The following DEFB1 variants were observed in gnomAD, a reference collection of about 807,000 sequenced individuals.
The protein encoded by DEFB1 is beta-defensin 1.
Under a neutral mutation model 2.6 loss-of-function variants are expected in DEFB1, and 4 were observed. The ratio of observed to expected loss-of-function variants is 1.53; its 90% confidence interval spans 0.76 to 3.51. DEFB1 has a LOEUF of 3.51. Among genes scored for constraint, DEFB1 ranks in the 30% most tolerant of loss-of-function variants. The pLI is 0.01. For synonymous variants in DEFB1, 56 were observed against 28.5 expected, an observed-to-expected ratio of 1.96 and a Z score of -3.07; for missense variants, 162 against 76.9, an observed-to-expected ratio of 2.11 and a Z score of -4.14.
chr8:6,877,395 G>A lies in DEFB1; in HGVS notation c.61+402C>T, dbSNP rs1049750667. On this transcript the variant is annotated intron_variant, in intron 1 of 1. Transcript: ENST00000297439. ...GCGGCAGCACCTCACCTGTACCAGG[G>A]CACCCCAGGAGGCTGCACCCAGTGA... Among the ~76,000 whole-genome samples, 10 of 152,336 alleles carry A rather than the reference G, an allele frequency of 6.6e-5. No homozygotes were observed. The East Asian group carries it at 1.5e-3, about 24-fold the overall frequency.
chr8:6,872,072 C>A (rs1554540177), intron 1 of DEFB1, among the ~76,000 whole-genome samples: 1 of 152,152 alleles, frequency 6.6e-6, no homozygotes. Context: ...AGTAATTCCA[C>A]TTTTGAAAAA....
intron 1 of DEFB1, among the ~76,000 whole-genome samples, chr8:6,877,534 A>G (rs912580186): frequency 6.6e-6 from 1 of 152,184 alleles, no homozygotes; most frequent in African/African-American, 2.4e-5. Flanking sequence ...TACTGTCTAC[A>G]TGTCCAGGAC....
intron 1 of DEFB1, among the ~76,000 whole-genome samples, chr8:6,876,137 G>A (rs1204585451): frequency 2.0e-5 from 3 of 152,104 alleles, no homozygotes; most frequent in African/African-American, 7.2e-5. Context: ...TAATTAAATA[G>A]CATCTACTTT....
At position 6,872,833 on chromosome 8, in the gene DEFB1, C is replaced by G. The variant is rs5743479; in HGVS notation, c.62-2007G>C. ...AAGTAAGATCATGACCAGCTAGACTCTGCCAAAGTCTCCACTTTCTGCTTT... is the reference window on the plus strand; with the variant it reads ...AAGTAAGATCATGACCAGCTAGACTGTGCCAAAGTCTCCACTTTCTGCTTT... On this transcript the variant is annotated intron_variant, in intron 1 of 1. Transcript: ENST00000297439. 6.4e-3 allele frequency among the ~76,000 whole-genome samples: 973 copies of G among 152,314 alleles called. 3 individuals are homozygous for G. Among genetic ancestry groups the G allele is most frequent in the Non-Finnish European group, 8.1e-3 (553 of 68,038 alleles).
At chr8:6,877,694 G>C in intron 1 of DEFB1, 103 bp downstream of exon 1, 1 of 1,051,746 alleles carries the variant, frequency 9.5e-7, no homozygotes, top group Non-Finnish European at 1.4e-6. Context: ...CCTGCTGCTT[G>C]TTCCTCGTCC....
chr8:6,870,890 C>G (rs1003206865), intron 1 of DEFB1, 64 bp from the exon 2 acceptor site: 29 of 1,526,022 alleles, frequency 1.9e-5, no homozygotes, highest in Non-Finnish European at 2.6e-5. Flanking sequence ...TTGAGAACAT[C>G]TCGCGAAAGC....
At chr8:6,872,343 C>G (rs79904203) in intron 1 of DEFB1, among the ~76,000 whole-genome samples, 5 of 152,366 alleles carry the variant, frequency 3.3e-5, no homozygotes, top group Admixed American at 2.6e-4. Context: ...ATCACCCTAG[C>G]CGCATTGCAA....
At chr8:6,873,110 A>T (rs748533984) in intron 1 of DEFB1, among the ~76,000 whole-genome samples, 10 of 152,204 alleles carry the variant, frequency 6.6e-5, no homozygotes, top group Non-Finnish European at 1.2e-4. Flanking sequence ...TTTAATATGG[A>T]TGTAGCTTTT....
chr8:6,873,846 C>T (rs1806416782), intron 1 of DEFB1, among the ~76,000 whole-genome samples: 2 of 152,192 alleles, frequency 1.3e-5, no homozygotes, highest in Admixed American at 6.5e-5. Context: ...GGTCCAGAGG[C>T]CATACTTTTA....
chr8:6,875,755 A>G (rs1240223185), intron 1 of DEFB1, among the ~76,000 whole-genome samples: 1 of 152,228 alleles, frequency 6.6e-6, no homozygotes, highest in Non-Finnish European at 1.5e-5. Context: ...CCGGTGATGC[A>G]ACTTTTCAGC....
In DEFB1 at chr8:6,875,110, C is replaced by CA. The variant is rs1563397732; in HGVS notation, c.61+2686_61+2687insT. Among the ~76,000 whole-genome samples, 118 of 143,336 alleles carry CA rather than the reference C, an allele frequency of 8.2e-4. 1 individual carries two copies. Among genetic ancestry groups the CA allele is most frequent in the African/African-American group, 2.9e-3 (109 of 37,734 alleles). 94.0% of individuals were successfully genotyped at this position (143,336 alleles called of 152,430 possible). A position where few individuals can be genotyped will look rare whatever the true frequency, so the allele number is the denominator to read the frequency against. On this transcript the variant is annotated intron_variant, in intron 1 of 1. Coordinates refer to ENST00000297439, the MANE Select transcript of DEFB1 (RefSeq NM_005218.4). ...CACACACACACACACACACACACAC[C>CA]CCATTGCCAGATGGATTGTAAGTCT...
chr8:6,875,002 C>G (rs1279135926), intron 1 of DEFB1, among the ~76,000 whole-genome samples: 1 of 148,378 alleles, frequency 6.7e-6, no homozygotes, highest in Non-Finnish European at 1.5e-5. Context: ...AAAGTTGGTT[C>G]TGGACAATCA....
At chr8:6,876,733 G>T (rs749849700) in intron 1 of DEFB1, among the ~76,000 whole-genome samples, 2 of 151,460 alleles carry the variant, frequency 1.3e-5, no homozygotes, top group Non-Finnish European at 2.9e-5. Flanking sequence ...AGCTCAGGAG[G>T]CAGAGGCTGC....
chr8:6,877,105 C>G, intron 1 of DEFB1, among the ~76,000 whole-genome samples: 1 of 152,180 alleles, frequency 6.6e-6, no homozygotes, highest in Non-Finnish European at 1.5e-5. Flanking sequence ...CAAGGCTTAG[C>G]ACCATGTGAC....
intron 1 of DEFB1, among the ~76,000 whole-genome samples, chr8:6,872,845 C>T (rs1025780534): frequency 6.6e-5 from 10 of 152,194 alleles, no homozygotes; most frequent in African/African-American, 2.4e-4. Flanking sequence ...GCCAAAGTCT[C>T]CACTTTCTGC....
rs1278573621 is a variant in DEFB1, at chr8:6,877,745, C to T, written c.61+52G>A. 22 of 1,510,046 alleles carry T rather than the reference C, an allele frequency of 1.5e-5. No homozygotes were observed. The Middle Eastern group carries it at 5.1e-4, about 35-fold the overall frequency. 93.5% of individuals were successfully genotyped at this position (1,510,046 alleles called of 1,614,324 possible). A position where few individuals can be genotyped will look rare whatever the true frequency, so the allele number is the denominator to read the frequency against. Reference sequence around the variant, plus strand: ...CAGCCATCCGAGACTCACATCAGCCCCATTGTCCCCAGCCCTGGGGATGGG... The same window carrying T: ...CAGCCATCCGAGACTCACATCAGCCTCATTGTCCCCAGCCCTGGGGATGGG... On this transcript the variant is annotated intron_variant, in intron 1 of 1. Transcript: ENST00000297439.
At chr8:6,876,413 G>C (rs553204560) in intron 1 of DEFB1, among the ~76,000 whole-genome samples, 2 of 152,248 alleles carry the variant, frequency 1.3e-5, no homozygotes, top group South Asian at 4.1e-4. Flanking sequence ...GGAGGTGGAG[G>C]TTGCAGTGAG....
chr8:6,875,433 A>G (rs1806487210), intron 1 of DEFB1, among the ~76,000 whole-genome samples: 1 of 152,234 alleles, frequency 6.6e-6, no homozygotes, highest in Admixed American at 6.5e-5. Flanking sequence ...GAAAAGACAG[A>G]TAATCCAAAA....
intron 1 of DEFB1, among the ~76,000 whole-genome samples, chr8:6,877,438 G>A (rs1438319269): frequency 6.6e-6 from 1 of 152,246 alleles, no homozygotes; most frequent in Admixed American, 6.5e-5. Context: ...TGAGGATGGG[G>A]CCGGCCCCTC....
Sources: allele counts gnomAD v4.1 joint callset (sites outside exome capture counted in the v4.1 genomes callset), GRCh38; gene constraint gnomAD v4.1.1; transcripts MANE v1.5; gene names NCBI Gene and HGNC (gene_info 2026-07-23, HGNC 2026-07-21).